Variants in PRKCH observed in about 807,000 individuals in gnomAD.
PRKCH encodes protein kinase C eta.
A neutral mutation model predicts 82.5 loss-of-function variants in PRKCH; 28 were observed. The observed-to-expected ratio is 0.34, with a 90% CI of 0.25 to 0.47. The LOEUF (loss-of-function observed/expected upper bound fraction) is 0.47, where lower values mean the gene tolerates loss of function less well. Among genes scored for constraint, PRKCH ranks in the 20% least tolerant of loss-of-function variants. The probability of loss-of-function intolerance (pLI) is 1.00; values close to 1 mark genes in which losing one functional copy is unlikely to be tolerated. For missense variants in PRKCH, 705 were observed against 881.8 expected (o/e 0.80, Z 2.54); for synonymous variants, 322 against 327.4 (o/e 0.98, Z 0.18).
rs2045248704 is a variant in PRKCH, at chr14:61,280,480, G to A, written c.-19+92812G>A. On this transcript the variant is annotated intron_variant, in intron 1 of 3. Transcript: ENST00000555185. The surrounding 1 kb of genome is among the most constrained non-coding windows in gnomAD (Gnocchi z 5.0). ...CCGGCGCCAGTTGGGCGGGGGCGCC[G>A]TGCCCTGGAAGGCCAACGCCAGGCT... The A allele has an allele frequency of 1.9e-6, 3 of 1,613,206 alleles. No homozygotes were observed. The highest frequency in any genetic ancestry group is 2.2e-5 in the East Asian group (1 of 44,842).
chr14:61,459,446 C>T (rs2031410), intron 9 of PRKCH, among the ~76,000 whole-genome samples: 137,528 of 152,212 alleles, frequency 0.9, 63,208 homozygotes, highest in Non-Finnish European at 0.99. Flanking sequence ...GGAGGCTCAG[C>T]ACACACAGCA....
At chr14:61,408,122 T>C (rs2140228184) in intron 2 of PRKCH, among the ~76,000 whole-genome samples, 1 of 152,306 alleles carries the variant, frequency 6.6e-6, no homozygotes, top group South Asian at 2.1e-4. Flanking sequence ...ATCACTTCTT[T>C]ACTGAAGTCA....
intron 9 of PRKCH, among the ~76,000 whole-genome samples, chr14:61,461,656 C>G (rs540606886): frequency 6.6e-6 from 1 of 152,166 alleles, no homozygotes; most frequent in African/African-American, 2.4e-5. Flanking sequence ...TATCTCATAC[C>G]TAACAGGGGA....
chr14:61,364,884 C>T (rs901779811), intron 1 of PRKCH, among the ~76,000 whole-genome samples: 1 of 151,794 alleles, frequency 6.6e-6, no homozygotes, highest in Non-Finnish European at 1.5e-5. Flanking sequence ...AGGAGTGTGG[C>T]TAGGAGGGAC....
At chr14:61,200,332 C>T (rs547292462) in intron 1 of PRKCH, among the ~76,000 whole-genome samples, 1 of 152,178 alleles carries the variant, frequency 6.6e-6, no homozygotes, top group South Asian at 2.1e-4. Context: ...TCTACCAGTC[C>T]ACTGGGTTTC....
At chr14:61,480,642 C>T (rs1885930296) in intron 9 of PRKCH, among the ~76,000 whole-genome samples, 1 of 152,196 alleles carries the variant, frequency 6.6e-6, no homozygotes. Flanking sequence ...TGTTTTACCC[C>T]AGGCACTGGG....
intron 9 of PRKCH, chr14:61,463,187 G>C (rs1421702582): frequency 1.3e-5 from 2 of 152,182 alleles, no homozygotes; most frequent in African/African-American, 4.8e-5. Flanking sequence ...ATCGCTGTGA[G>C]GGTCAAATGA....
chr14:61,233,017 A>G (rs537069216), intron 1 of PRKCH, among the ~76,000 whole-genome samples: 1 of 152,308 alleles, frequency 6.6e-6, no homozygotes, highest in African/African-American at 2.4e-5. Context: ...TCAGACACCG[A>G]TCTCTTACAT....
chr14:61,535,344 A>G (rs1312147503), intron 12 of PRKCH, among the ~76,000 whole-genome samples: 1 of 152,202 alleles, frequency 6.6e-6, no homozygotes, highest in Non-Finnish European at 1.5e-5. Flanking sequence ...TATACTTACA[A>G]TTTAATGAGA....
chr14:61,435,328 A>C (rs193145396), intron 2 of PRKCH, among the ~76,000 whole-genome samples: 2 of 152,326 alleles, frequency 1.3e-5, no homozygotes, highest in Admixed American at 1.3e-4. Flanking sequence ...ACAGGTGGAG[A>C]CAGAGTAGAA....
chr14:61,342,549 A>T (rs927552050), intron 1 of PRKCH, among the ~76,000 whole-genome samples: 1 of 152,122 alleles, frequency 6.6e-6, no homozygotes, highest in East Asian at 1.9e-4. Flanking sequence ...CTTCATCACT[A>T]TGTTCTATGG....
At chr14:61,508,602 G>A (rs933005091) in intron 10 of PRKCH, among the ~76,000 whole-genome samples, 2 of 152,126 alleles carry the variant, frequency 1.3e-5, no homozygotes, top group Non-Finnish European at 2.9e-5. Context: ...AGTCCACTGT[G>A]TCAGAAAAGC....
chr14:61,384,838 G>A (rs1216624258), intron 1 of PRKCH, among the ~76,000 whole-genome samples: 1 of 151,946 alleles, frequency 6.6e-6, no homozygotes, highest in African/African-American at 2.4e-5. Context: ...ACAACATAGA[G>A]AACCCTAAAG....
chr14:61,359,424 A>C (rs922467712), intron 1 of PRKCH, among the ~76,000 whole-genome samples: 4 of 152,222 alleles, frequency 2.6e-5, no homozygotes, highest in African/African-American at 7.2e-5. Context: ...CCTCATTTTT[A>C]AGTTATTTTT....
chr14:61,528,785 A>G (rs1437615109), intron 10 of PRKCH: 1 of 224,524 alleles, frequency 4.5e-6, no homozygotes, highest in African/African-American at 2.3e-5. Flanking sequence ...GAAAAGCCAC[A>G]TTCTGCCCTC....
intron 1 of PRKCH, among the ~76,000 whole-genome samples, chr14:61,372,766 C>T (rs192006509): frequency 1.3e-5 from 2 of 152,072 alleles, no homozygotes; most frequent in African/African-American, 4.8e-5. Flanking sequence ...CATATTCCAC[C>T]CCAGGATCTC....
chr14:61,545,269 T>C (rs755197127), intron 12 of PRKCH: 1 of 152,254 alleles, frequency 6.6e-6, no homozygotes, highest in Non-Finnish European at 1.5e-5. Flanking sequence ...ATGCCACCTC[T>C]TCCACGAGGC....
intron 1 of PRKCH, among the ~76,000 whole-genome samples, chr14:61,209,310 TAAAAAAAAAAA>T (rs6145367): frequency 6.5e-5 from 6 of 92,828 alleles, no homozygotes; most frequent in Admixed American, 4.1e-4. Context: ...TGCCTTTATT[TAAAAAAAAAAA>T]AAAAAAAAAA....
intron 1 of PRKCH, among the ~76,000 whole-genome samples, chr14:61,212,061 C>T (rs139386398): frequency 3.2e-4 from 49 of 152,272 alleles, no homozygotes; most frequent in African/African-American, 1.2e-3. Flanking sequence ...ATGAAGTCAC[C>T]CTTTCCTTCG....
Sources: gnomAD v4.1 joint callset for allele counts (sites outside exome capture counted in the v4.1 genomes callset) on GRCh38, gnomAD v4.1.1 for gene constraint, Gnocchi (gnomAD v3.1) non-coding constraint, MANE v1.5 for transcripts, NCBI Gene and HGNC (gene_info 2026-07-23, HGNC 2026-07-21) for gene names.